Variants in RBPJ observed in about 807,000 individuals in gnomAD.
RBPJ encodes the protein recombining binding protein suppressor of hairless.
Under a neutral mutation model 67.8 loss-of-function variants are expected in RBPJ, and 9 were observed. That is an observed-to-expected ratio of 0.13 (90% CI 0.08 to 0.23). RBPJ has a LOEUF of 0.23. Among genes scored for constraint, RBPJ ranks in the 10% least tolerant of loss-of-function variants. RBPJ has a pLI of 1.00. For missense variants in RBPJ, 305 were observed against 595.6 expected, an observed-to-expected ratio of 0.51 and a Z score of 5.08; for synonymous variants, 198 against 203.3, an observed-to-expected ratio of 0.97 and a Z score of 0.22.
At chr4:26,116,989 C>T in the RBPJ span, among the ~76,000 whole-genome samples, 2 of 152,230 alleles carry the variant, frequency 1.3e-5, no homozygotes, top group South Asian at 4.1e-4. Flanking sequence ...ATGGCTTCGA[C>T]TCTAACTGAG....
At chr4:26,322,296 G>C (rs2077777) in intron 1 of RBPJ, 13,863 of 152,212 alleles carry the variant, frequency 0.091, 816 homozygotes, top group East Asian at 0.31. Context: ...TTCATTTGGC[G>C]TGTGAGTAGG....
intron 1 of RBPJ, among the ~76,000 whole-genome samples, chr4:26,251,420 G>C (rs1720104294): frequency 1.3e-5 from 2 of 152,084 alleles, no homozygotes; most frequent in African/African-American, 4.8e-5. Context: ...TGGATCACTT[G>C]AGGCCAGGAG....
upstream of RBPJ, chr4:26,320,653 C>A (rs1046114595): frequency 7.9e-6 from 11 of 1,383,856 alleles, no homozygotes; most frequent in Non-Finnish European, 8.7e-6. Flanking sequence ...CGCCTCCTGA[C>A]CCCTCCATTC....
At chr4:26,251,414 T>TCACTTGAGGCCAGGAGTTCAAGAC (rs1421517765) in intron 1 of RBPJ, among the ~76,000 whole-genome samples, 1 of 152,002 alleles carries the variant, frequency 6.6e-6, no homozygotes, top group Admixed American at 6.6e-5. Context: ...GGCAGGTGGA[T>TCACTTGAGGCCAGGAGTTCAAGAC]CACTTGAGGC....
chr4:26,413,549 A>C (rs1407804258), intron 3 of RBPJ, among the ~76,000 whole-genome samples: 1 of 152,190 alleles, frequency 6.6e-6, no homozygotes, highest in African/African-American at 2.4e-5. Context: ...GGATATAATA[A>C]ATAATTTGGA....
chr4:26,337,426 C>G (rs976925164), intron 1 of RBPJ, among the ~76,000 whole-genome samples: 4 of 152,024 alleles, frequency 2.6e-5, no homozygotes, highest in Admixed American at 2.6e-4. Context: ...GCATATTGTT[C>G]TTCTTGTTGC....
chr4:26,209,533 T>C (rs896564646), intron 1 of RBPJ, among the ~76,000 whole-genome samples: 5 of 150,028 alleles, frequency 3.3e-5, no homozygotes, highest in Non-Finnish European at 5.9e-5. Context: ...AGTGACATCC[T>C]ATCTCCTTCC....
chr4:26,197,041 C>A (rs926604934), intron 1 of RBPJ, among the ~76,000 whole-genome samples: 2 of 152,150 alleles, frequency 1.3e-5, no homozygotes, highest in Admixed American at 1.3e-4. Flanking sequence ...CTCTCGCTCA[C>A]TCTCTCTCTT....
At chr4:26,398,870 C>G (rs941118796) in intron 2 of RBPJ, among the ~76,000 whole-genome samples, 17 of 152,158 alleles carry the variant, frequency 1.1e-4, no homozygotes, top group Admixed American at 7.9e-4. Context: ...CCTCAGCCTC[C>G]CAAAGTGCTG....
chr4:26,316,491 A>G (rs1156822457), upstream of RBPJ, among the ~76,000 whole-genome samples: 2 of 76,784 alleles, frequency 2.6e-5, no homozygotes, highest in Admixed American at 1.7e-4. Flanking sequence ...ACATATTCAT[A>G]TATATATTCA....
intron 1 of RBPJ, among the ~76,000 whole-genome samples, chr4:26,322,682 C>A (rs1328123728): frequency 6.6e-6 from 1 of 151,638 alleles, no homozygotes; most frequent in African/African-American, 2.4e-5. Context: ...TATACACACA[C>A]ACACGTAATA....
the RBPJ span, among the ~76,000 whole-genome samples, chr4:26,134,651 CGTTTT>C: frequency 1.3e-5 from 2 of 152,046 alleles, no homozygotes; most frequent in Non-Finnish European, 2.9e-5. Flanking sequence ...CAGAAATGTG[CGTTTT>C]ACCAAAGATC....
At chr4:26,185,090 C>T (rs1222759920) in intron 1 of RBPJ, among the ~76,000 whole-genome samples, 1 of 150,610 alleles carries the variant, frequency 6.6e-6, no homozygotes, top group African/African-American at 2.5e-5. Context: ...TAGAGTGAGC[C>T]GACATTGCGC....
At chr4:26,259,772 A>T (rs746489596) in intron 1 of RBPJ, among the ~76,000 whole-genome samples, 3 of 152,190 alleles carry the variant, frequency 2.0e-5, no homozygotes, top group Non-Finnish European at 4.4e-5. Flanking sequence ...CACAAACAAG[A>T]TGAATTTTTT....
chr4:26,286,788 C>CTT (rs755346375), intron 1 of RBPJ, among the ~76,000 whole-genome samples: 32 of 134,926 alleles, frequency 2.4e-4, no homozygotes, highest in African/African-American at 6.3e-4. Flanking sequence ...AGTAAAACCT[C>CTT]TTTTTTTTTT....
At chr4:26,423,591 G>A (rs984518707) in intron 5 of RBPJ, among the ~76,000 whole-genome samples, 6 of 152,232 alleles carry the variant, frequency 3.9e-5, no homozygotes, top group African/African-American at 1.4e-4. Flanking sequence ...GCACTAGGAG[G>A]TATATTATGT....
At chr4:26,369,330 T>A (rs1728931694) in intron 1 of RBPJ, among the ~76,000 whole-genome samples, 1 of 152,250 alleles carries the variant, frequency 6.6e-6, no homozygotes, top group African/African-American at 2.4e-5. Flanking sequence ...CTGAGTGTGT[T>A]ATGCTAACAA....
At chr4:26,275,862 C>G (rs1412510349) in intron 1 of RBPJ, among the ~76,000 whole-genome samples, 1 of 151,720 alleles carries the variant, frequency 6.6e-6, no homozygotes, top group East Asian at 2.0e-4. Flanking sequence ...GATCTCTTGA[C>G]CTCTCTGCCC....
intron 1 of RBPJ, among the ~76,000 whole-genome samples, chr4:26,229,849 C>T (rs1292476008): frequency 6.6e-6 from 1 of 152,134 alleles, no homozygotes; most frequent in East Asian, 1.9e-4. Context: ...ATAGAGGCCA[C>T]ATGTTTGACA....
Sources: allele counts gnomAD v4.1 joint callset (sites outside exome capture counted in the v4.1 genomes callset), GRCh38; gene constraint gnomAD v4.1.1; transcripts MANE v1.5; gene names NCBI Gene and HGNC (gene_info 2026-07-23, HGNC 2026-07-21).